The following ATRNL1 variants were observed in gnomAD, a reference collection of about 807,000 sequenced individuals.
The protein encoded by ATRNL1 is attractin-like protein 1.
Under a neutral mutation model 182.7 loss-of-function variants are expected in ATRNL1, and 95 were observed. The ratio of observed to expected loss-of-function variants is 0.52; its 90% CI spans 0.44 to 0.62. ATRNL1 has a LOEUF of 0.62. Among genes scored for constraint, ATRNL1 ranks in the 20% least tolerant of loss-of-function variants. The probability of loss-of-function intolerance (pLI) is 0.00; values close to 1 mark genes in which losing one functional copy is unlikely to be tolerated. For synonymous variants in ATRNL1, 576 were observed against 568.3 expected, an observed-to-expected ratio of 1.01 and a Z score of -0.19; for missense variants, 1,471 against 1,679.5, an observed-to-expected ratio of 0.88 and a Z score of 2.17.
At chr10:115,139,305 T>C (rs1554877452) in intron 5 of ATRNL1, among the ~76,000 whole-genome samples, 1 of 152,228 alleles carries the variant, frequency 6.6e-6, no homozygotes, top group African/African-American at 2.4e-5. Flanking sequence ...GGGTATCTTT[T>C]CAGCCGCGCT....
At chr10:115,524,404 TTAAA>T (rs1472443810) in intron 25 of ATRNL1, among the ~76,000 whole-genome samples, 2 of 152,206 alleles carry the variant, frequency 1.3e-5, no homozygotes, top group Non-Finnish European at 2.9e-5. Flanking sequence ...GAATAATTTT[TTAAA>T]TAAACTCTTC....
In ATRNL1 at chr10:115,935,651, T is replaced by A. The variant is rs540348596; in HGVS notation, c.4019-9007T>A. The stretch of plus-strand genomic sequence containing the variant: ...ACCGCTCCGTGCCTCATTTTGGCCA[T>A]CTGTGACATCAGGACAAAAATAGCT... On this transcript the variant is annotated intron_variant, in intron 28 of 28. Coordinates refer to ENST00000355044, the MANE Select transcript of ATRNL1 (RefSeq NM_207303.4). Among the ~76,000 whole-genome samples the A allele has an allele frequency of 2.0e-5, 3 of 152,284 alleles. No individual in the cohort carries two copies. The South Asian group carries it at 6.2e-4, about 32-fold the overall frequency.
intron 28 of ATRNL1, among the ~76,000 whole-genome samples, chr10:115,889,497 A>G (rs1952029603): frequency 1.3e-5 from 2 of 152,116 alleles, no homozygotes; most frequent in Non-Finnish European, 2.9e-5. Flanking sequence ...CACCACCCGC[A>G]GTCAGTTTTT....
intron 27 of ATRNL1, among the ~76,000 whole-genome samples, chr10:115,738,874 A>G (rs1948059051): frequency 1.3e-5 from 2 of 152,124 alleles, no homozygotes; most frequent in South Asian, 4.1e-4. Flanking sequence ...AAATAATTTG[A>G]TAAATGCCCT....
At chr10:115,307,463 TGTTG>T (rs1213540729) in intron 17 of ATRNL1, among the ~76,000 whole-genome samples, 1 of 152,168 alleles carries the variant, frequency 6.6e-6, no homozygotes, top group Non-Finnish European at 1.5e-5. Context: ...GGTTTCACCA[TGTTG>T]GCCAGGCTGG....
intron 26 of ATRNL1, among the ~76,000 whole-genome samples, chr10:115,570,662 A>G (rs1249728274): frequency 2.6e-5 from 4 of 152,178 alleles, no homozygotes; most frequent in Non-Finnish European, 4.4e-5. Context: ...GGGGCTATGA[A>G]TGCTTTGACC....
At chr10:115,122,036 T>C (rs936449867) in intron 3 of ATRNL1, among the ~76,000 whole-genome samples, 2 of 152,028 alleles carry the variant, frequency 1.3e-5, no homozygotes, top group Non-Finnish European at 2.9e-5. Context: ...TAGATTTCTT[T>C]CTAAATATTT....
intron 24 of ATRNL1, among the ~76,000 whole-genome samples, chr10:115,475,748 C>G (rs1848499421): frequency 6.6e-6 from 1 of 151,248 alleles, no homozygotes. Flanking sequence ...TCATCATTTT[C>G]TTTTTCTTCA....
In ATRNL1 at chr10:115,162,679, G is replaced by A. The variant is rs190701511; in HGVS notation, c.1004+2465G>A. ...ATTTGAGTTAAGATGAAATTATCAA[G>A]GGAATGCATTCTAGATAGAGAAAAG... On this transcript the variant is annotated intron_variant, in intron 6 of 28. Coordinates refer to ENST00000355044, the MANE Select transcript of ATRNL1 (RefSeq NM_207303.4). Among the ~76,000 whole-genome samples the A allele has an allele frequency of 3.0e-3, 443 of 149,264 alleles. 6 individuals carry two copies. The highest frequency in any genetic ancestry group is 0.01 in the African/African-American group (420 of 40,428).
intron 27 of ATRNL1, among the ~76,000 whole-genome samples, chr10:115,775,854 AG>A (rs1267744280): frequency 4.0e-5 from 6 of 150,742 alleles, no homozygotes; most frequent in Non-Finnish European, 7.4e-5. Flanking sequence ...GCTACTCAGG[AG>A]GCTGAGGCAG....
At chr10:115,126,372 T>A (rs1355865750) in intron 3 of ATRNL1, among the ~76,000 whole-genome samples, 1 of 152,198 alleles carries the variant, frequency 6.6e-6, no homozygotes, top group Admixed American at 6.5e-5. Flanking sequence ...CCTATTCTTT[T>A]TATCTTTTTC....
intron 26 of ATRNL1, among the ~76,000 whole-genome samples, chr10:115,621,404 A>G (rs1271064299): frequency 6.6e-6 from 1 of 151,624 alleles, no homozygotes; most frequent in Non-Finnish European, 1.5e-5. Flanking sequence ...TCCTGGGCTC[A>G]GGGAATCCTC....
At chr10:115,448,921 A>C (rs1847148451) in intron 21 of ATRNL1, among the ~76,000 whole-genome samples, 1 of 152,190 alleles carries the variant, frequency 6.6e-6, no homozygotes, top group African/African-American at 2.4e-5. Context: ...TTCACAGATG[A>C]ATTCAACCAA....
rs1554873828 is a variant in ATRNL1, at chr10:115,127,486, C to T, written c.492-107C>T. 14 of 856,706 alleles carry T rather than the reference C, an allele frequency of 1.6e-5. No homozygotes were observed. In the Admixed American group the frequency reaches 4.0e-4, roughly 24 times the overall value. The allele number at this position is 856,706 out of a possible 1,614,324, so 53.1% of individuals were successfully genotyped here. On this transcript the variant is annotated intron_variant, in intron 3 of 28. Transcript: ENST00000355044. Reference sequence around the variant, plus strand: ...TTCTCCTTTTAGTTGCCCATTCTGACGTACAAGCATTACTGATCCTGGTAA... The same window carrying T: ...TTCTCCTTTTAGTTGCCCATTCTGATGTACAAGCATTACTGATCCTGGTAA...
rs781941172 is a variant in ATRNL1 at position 115,301,987 on chromosome 10, A to G, written c.2762A>G (p.Tyr921Cys). The G allele has an allele frequency of 5.0e-6, 8 of 1,613,938 alleles. No individual in the cohort carries two copies. The African/African-American group carries it at 9.3e-5, about 19-fold the overall frequency. The change falls in exon 17 of 29, where the codon TAT (tyrosine) becomes TGT (cysteine). Residue 921 changes from tyrosine (Y) to cysteine (C), a missense_variant. Tyr to Cys is a radical substitution (Grantham distance 194). This residue lies in a region of ATRNL1 where 1,031 missense variants were observed against 1,156.0 expected (regional missense o/e 0.89). Coordinates refer to ENST00000355044, the MANE Select transcript of ATRNL1 (RefSeq NM_207303.4). The part of the protein sequence containing the change: ...STKRCVDSNA[Y>C]IISFPYGQCL... The stretch of plus-strand genomic sequence containing the variant: ...AAACGATGTGTTGACTCTAATGCCT[A>G]TATCATCTCTTTTCCATATGGACAA...
chr10:115,712,763 G>A (rs1555054895), intron 26 of ATRNL1, among the ~76,000 whole-genome samples: 1 of 151,898 alleles, frequency 6.6e-6, no homozygotes, highest in African/African-American at 2.4e-5. Context: ...AGCTACTCAG[G>A]AGGCTGAGGC....
chr10:115,631,496 A>G (rs907997717), intron 26 of ATRNL1, among the ~76,000 whole-genome samples: 15 of 152,104 alleles, frequency 9.9e-5, no homozygotes, highest in Admixed American at 6.6e-5. Flanking sequence ...ATCATATGTA[A>G]TATGTTTTCT....
intron 27 of ATRNL1, among the ~76,000 whole-genome samples, chr10:115,746,134 T>C (rs1948286044): frequency 6.6e-6 from 1 of 152,126 alleles, no homozygotes; most frequent in Non-Finnish European, 1.5e-5. Flanking sequence ...CGAGAACTGC[T>C]GACTCATGGC....
intron 26 of ATRNL1, among the ~76,000 whole-genome samples, chr10:115,584,006 A>C (rs1339038559): frequency 5.9e-5 from 9 of 152,148 alleles, no homozygotes; most frequent in African/African-American, 2.2e-4. Context: ...CTATTGAGAT[A>C]GTCATGTGGT....
Sources: gnomAD v4.1 joint callset for allele counts (sites outside exome capture counted in the v4.1 genomes callset) on GRCh38, gnomAD v4.1.1 for gene constraint, gnomAD v4.1.1 regional missense constraint, MANE v1.5 for transcripts, NCBI Gene and HGNC (gene_info 2026-07-23, HGNC 2026-07-21) for gene names.